Variants in PDGFC observed in about 807,000 individuals in gnomAD.
PDGFC encodes platelet derived growth factor C.
PDGFC carries 12 observed loss-of-function variants against 35.5 expected under a neutral mutation model. The ratio of observed to expected loss-of-function variants is 0.34; its 90% confidence interval spans 0.22 to 0.55. The LOEUF (loss-of-function observed/expected upper bound fraction) is 0.55, where lower values mean the gene tolerates loss of function less well. PDGFC is among the 20% of genes least tolerant of loss of function. PDGFC has a pLI of 0.91. For missense variants in PDGFC, 322 were observed against 412.4 expected, an observed-to-expected ratio of 0.78 and a Z score of 1.90; for synonymous variants, 159 against 148.8, an observed-to-expected ratio of 1.07 and a Z score of -0.50.
intron 5 of PDGFC, among the ~76,000 whole-genome samples, chr4:156,764,987 G>A (rs543679217): frequency 1.3e-5 from 2 of 152,244 alleles, no homozygotes; most frequent in South Asian, 2.1e-4. Flanking sequence ...CACCATACAC[G>A]GTCCTAACAG....
intron 5 of PDGFC, among the ~76,000 whole-genome samples, chr4:156,764,938 GA>G (rs1396632840): frequency 6.6e-6 from 1 of 151,182 alleles, no homozygotes; most frequent in African/African-American, 2.4e-5. Flanking sequence ...ATTCAGCAAG[GA>G]AAAAAAAATT....
intron 1 of PDGFC, among the ~76,000 whole-genome samples, chr4:156,954,792 C>T (rs562154656): frequency 6.6e-6 from 1 of 151,994 alleles, no homozygotes; most frequent in East Asian, 2.0e-4. Context: ...TAGGCGCATC[C>T]CCCAGCTGTG....
At chr4:156,863,089 T>C (rs1052144179) in intron 1 of PDGFC, among the ~76,000 whole-genome samples, 32 of 152,190 alleles carry the variant, frequency 2.1e-4, no homozygotes, top group East Asian at 3.8e-4. Flanking sequence ...TAAAAACTAA[T>C]TGTATCATGC....
chr4:156,877,872 C>A (rs1040840234), intron 1 of PDGFC, among the ~76,000 whole-genome samples: 3 of 152,142 alleles, frequency 2.0e-5, no homozygotes, highest in African/African-American at 7.2e-5. Context: ...GGTCTCAGCA[C>A]AAATGTCATC....
At chr4:156,932,395 G>T (rs2110880152) in intron 1 of PDGFC, among the ~76,000 whole-genome samples, 1 of 151,964 alleles carries the variant, frequency 6.6e-6, no homozygotes, top group African/African-American at 2.4e-5. Flanking sequence ...CCCATTACTG[G>T]GTATATACCC....
At chr4:156,767,729 CAT>C (rs756260418) in intron 5 of PDGFC, 42 bp downstream of exon 5, 1 of 1,216,890 alleles carries the variant, frequency 8.2e-7, no homozygotes, top group Non-Finnish European at 1.2e-6. Flanking sequence ...TGTTCTAAGA[CAT>C]AAAATACCCG....
chr4:156,932,411 A>T (rs1445640373), intron 1 of PDGFC, among the ~76,000 whole-genome samples: 1 of 152,160 alleles, frequency 6.6e-6, no homozygotes, highest in Admixed American at 6.5e-5. Context: ...TACCCAAAGG[A>T]TTATAAATCA....
intron 2 of PDGFC, among the ~76,000 whole-genome samples, chr4:156,815,367 C>CACA (rs1491095657): frequency 1.4e-5 from 2 of 146,346 alleles, no homozygotes; most frequent in South Asian, 2.2e-4. Context: ...CACACACACA[C>CACA]CCCGTTGTCA....
rs182648557 is a variant in PDGFC, at chr4:156,894,277, T to C, written c.119-43861A>G. Among the ~76,000 whole-genome samples the C allele has an allele frequency of 4.0e-3, 605 of 152,272 alleles. 1 individual carries two copies. The highest frequency in any genetic ancestry group is 0.014 in the African/African-American group (581 of 41,572). ...TTTTCAGAAACAAATAGCCTAATTA[T>C]AGTCTAAATACATAATGTAGGATTT... On this transcript the variant is annotated intron_variant, in intron 1 of 5. Transcript: ENST00000502773.
At chr4:156,771,870 G>C (rs1335218905) in intron 4 of PDGFC, among the ~76,000 whole-genome samples, 1 of 152,138 alleles carries the variant, frequency 6.6e-6, no homozygotes, top group Non-Finnish European at 1.5e-5. Context: ...TGAGTGCATT[G>C]TAATTAAACA....
At chr4:156,896,592 C>T (rs1026656769) in intron 1 of PDGFC, among the ~76,000 whole-genome samples, 1 of 152,090 alleles carries the variant, frequency 6.6e-6, no homozygotes, top group South Asian at 2.1e-4. Flanking sequence ...AGAGTTGACA[C>T]AATATTTAAG....
At chr4:156,917,258 G>C (rs779472433) in intron 1 of PDGFC, among the ~76,000 whole-genome samples, 1 of 152,130 alleles carries the variant, frequency 6.6e-6, no homozygotes, top group Non-Finnish European at 1.5e-5. Flanking sequence ...AATATTACTA[G>C]AAACCGTCCC....
chr4:156,885,436 G>A (rs1024479068), intron 1 of PDGFC, among the ~76,000 whole-genome samples: 2 of 152,066 alleles, frequency 1.3e-5, no homozygotes, highest in Non-Finnish European at 2.9e-5. Flanking sequence ...TTTAAAAGGA[G>A]GCTTAGAATA....
intron 3 of PDGFC, among the ~76,000 whole-genome samples, chr4:156,793,157 AC>A (rs1474145198): frequency 6.6e-6 from 1 of 152,160 alleles, no homozygotes; most frequent in Non-Finnish European, 1.5e-5. Flanking sequence ...ATCATCAAGC[AC>A]AAATTCTTAA....
intron 3 of PDGFC, 66 bp downstream of exon 3, chr4:156,810,771 G>A (rs1045390559): frequency 5.0e-6 from 5 of 999,282 alleles, no homozygotes; most frequent in African/African-American, 1.7e-5. Context: ...ATGTGTAAGA[G>A]GAGAAAAATA....
chr4:156,926,787 C>G (rs1222958008), intron 1 of PDGFC, among the ~76,000 whole-genome samples: 1 of 152,126 alleles, frequency 6.6e-6, no homozygotes, highest in Non-Finnish European at 1.5e-5. Context: ...GCACCCGGTA[C>G]AAGCTGTCAG....
intron 3 of PDGFC, among the ~76,000 whole-genome samples, chr4:156,782,846 C>A (rs1731019248): frequency 6.6e-6 from 1 of 152,148 alleles, no homozygotes. Flanking sequence ...AAAGTTAAAT[C>A]ATTCAGTAGA....
intron 3 of PDGFC, among the ~76,000 whole-genome samples, chr4:156,799,410 G>C (rs1237641140): frequency 6.6e-6 from 1 of 152,090 alleles, no homozygotes; most frequent in Non-Finnish European, 1.5e-5. Flanking sequence ...AAAAAAAATT[G>C]TATTAGTCCT....
At chr4:156,831,536 C>T (rs938552239) in intron 2 of PDGFC, among the ~76,000 whole-genome samples, 31 of 150,894 alleles carry the variant, frequency 2.1e-4, no homozygotes, top group African/African-American at 7.1e-4. Flanking sequence ...CTCCACCTCC[C>T]GAGTTACAGC....
Sources: allele counts gnomAD v4.1 joint callset (sites outside exome capture counted in the v4.1 genomes callset), GRCh38; gene constraint gnomAD v4.1.1; transcripts MANE v1.5; gene names NCBI Gene and HGNC (gene_info 2026-07-23, HGNC 2026-07-21).